DRC1: variants seen among roughly 807,000 people sequenced by gnomAD.
The protein encoded by DRC1 is dynein regulatory complex protein 1.
In DRC1, 74 loss-of-function variants were observed where a neutral mutation model predicts 98.7. The ratio of observed to expected loss-of-function variants is 0.75; its 90% CI spans 0.62 to 0.91. The LOEUF (loss-of-function observed/expected upper bound fraction) is 0.91. Ranked by LOEUF, DRC1 falls within the 40% of genes least tolerant of loss-of-function variation. The pLI, the probability that DRC1 is intolerant of heterozygous loss-of-function variation, is 0.00. For missense variants in DRC1, 875 were observed against 886.0 expected (o/e 0.99, Z 0.16); for synonymous variants, 336 against 334.1 (o/e 1.01, Z -0.06).
At chr2:26,420,749 T>C (rs1663116164) in intron 2 of DRC1, among the ~76,000 whole-genome samples, 1 of 142,948 alleles carries the variant, frequency 7.0e-6, no homozygotes, top group Non-Finnish European at 1.5e-5. Flanking sequence ...TTTTCTTTTT[T>C]CTTTCTTTTT....
intron 2 of DRC1, among the ~76,000 whole-genome samples, chr2:26,418,613 T>C (rs1396606711): frequency 4.0e-5 from 4 of 100,960 alleles, no homozygotes; most frequent in African/African-American, 1.7e-4. Flanking sequence ...ATATATAAAT[T>C]ATATATAATA....
chr2:26,440,343 GTGTATA>G, intron 7 of DRC1, 29 bp from the exon 8 acceptor site: 3 of 1,500,800 alleles, frequency 2.0e-6, no homozygotes, highest in South Asian at 1.3e-5. Flanking sequence ...GTGTGTGTGT[GTGTATA>G]TATATATATA....
chr2:26,451,249 C>T (rs992907048), intron 13 of DRC1, among the ~76,000 whole-genome samples: 2 of 152,172 alleles, frequency 1.3e-5, no homozygotes. Flanking sequence ...CCTGCACCCT[C>T]CCTCAAAACC....
rs150721188 is a variant in DRC1 at position 26,444,890 on chromosome 2, T to G, written c.1338T>G (p.Ile446Met). The G allele has an allele frequency of 3.9e-5, 63 of 1,614,052 alleles. 1 individual carries two copies. In the South Asian group the frequency reaches 6.6e-4, roughly 17 times the overall value. ...GGTTCCTGAACAATGTTGGGCCTAT[T>G]TCTCAGCAGCCCCAGAAGTCCGCCA... Reference protein sequence around the residue: ...DFWFLNNVGPISQQPQKSATQ... With the variant: ...DFWFLNNVGPMSQQPQKSATQ... Residue 446 changes from isoleucine to methionine, a missense_variant, in exon 10 of 17, where the codon ATT (isoleucine) becomes ATG (methionine). Coordinates refer to ENST00000288710, the MANE Select transcript of DRC1 (RefSeq NM_145038.5).
At position 26,444,795 on chromosome 2, in the gene DRC1, A is replaced by G. The variant is rs750117775; in HGVS notation, c.1243A>G (p.Arg415Gly). 1 of 1,614,112 alleles carries G rather than the reference A, an allele frequency of 6.2e-7. No homozygotes were observed. The highest frequency in any genetic ancestry group is 2.2e-5 in the East Asian group (1 of 44,904). Residue 415 changes from arginine to glycine, a missense_variant, in exon 10 of 17, where the codon AGA (arginine) becomes GGA (glycine). Arg to Gly is a moderately radical substitution (Grantham distance 125, BLOSUM62 -2). Transcript: ENST00000288710. ...NEEEAKDLIA[R>G]AFDVDRIIHT... The stretch of plus-strand genomic sequence containing the variant: ...AGAGGAGGCGAAGGACCTAATAGCC[A>G]GAGCCTTTGATGTGGACAGGATCAT...
intron 6 of DRC1, among the ~76,000 whole-genome samples, chr2:26,431,601 A>G (rs930044345): frequency 6.6e-6 from 1 of 151,968 alleles, no homozygotes; most frequent in Admixed American, 6.5e-5. Context: ...GTCTGTGCGT[A>G]ATTTCTTTTC....
At chr2:26,405,069 G>A (rs758036624) in intron 1 of DRC1, among the ~76,000 whole-genome samples, 1 of 152,140 alleles carries the variant, frequency 6.6e-6, no homozygotes, top group Admixed American at 6.5e-5. Context: ...TCCTTGTGGG[G>A]ACCCTGCTGC....
chr2:26,456,110 G>A (rs980086641), intron 16 of DRC1, among the ~76,000 whole-genome samples: 3 of 152,196 alleles, frequency 2.0e-5, no homozygotes, highest in Admixed American at 6.5e-5. Context: ...TATGGTTCCC[G>A]CTTCCACAGA....
At chr2:26,434,916 TA>T (rs1466121686) in intron 7 of DRC1, among the ~76,000 whole-genome samples, 1 of 150,182 alleles carries the variant, frequency 6.7e-6, no homozygotes, top group Non-Finnish European at 1.5e-5. Context: ...GAAAGAAAGC[TA>T]CACAAATAGT....
chr2:26,410,403 C>T (rs1678568129), intron 1 of DRC1, among the ~76,000 whole-genome samples: 1 of 151,516 alleles, frequency 6.6e-6, no homozygotes, highest in Admixed American at 6.6e-5. Context: ...TCCCAAATAG[C>T]TGGGATTACA....
chr2:26,444,890 T>C lies in DRC1; in HGVS notation c.1338T>C (p.Ile446=), dbSNP rs150721188. ...DFWFLNNVGP[I]SQQPQKSATQ... is the part of the protein sequence containing the mutation. ...GGTTCCTGAACAATGTTGGGCCTAT[T>C]TCTCAGCAGCCCCAGAAGTCCGCCA... Residue 446 remains isoleucine (I), a synonymous_variant, in exon 10 of 17, where the codon ATT becomes ATC. Transcript: ENST00000288710. 2 of 1,614,052 alleles carry C rather than the reference T, an allele frequency of 1.2e-6. No individual in the cohort carries two copies. Among genetic ancestry groups the C allele is most frequent in the African/African-American group, 1.3e-5 (1 of 74,918 alleles).
intron 13 of DRC1, among the ~76,000 whole-genome samples, chr2:26,452,296 C>T (rs1277151420): frequency 2.6e-5 from 4 of 152,120 alleles, no homozygotes; most frequent in East Asian, 3.8e-4. Flanking sequence ...CACTCTGTTG[C>T]CCAGGCTGGA....
Position 26,444,831 on chromosome 2 carries a change from C to T in DRC1, c.1279C>T (p.His427Tyr). The change falls in exon 10 of 17, where the codon CAT becomes TAT. Residue 427 changes from histidine (H) to tyrosine (Y), a missense_variant. By Grantham distance (83) the His-to-Tyr change is moderately conservative (BLOSUM62 2). Transcript: ENST00000288710. ...FDVDRIIHTH[H>Y]LGLPWAAPDF... ...TGTGGACAGGATCATCCACACCCAT[C>T]ATCTGGGGCTTCCCTGGGCAGCACC... 6.2e-7 allele frequency: 1 copy of T among 1,614,198 alleles called. No individual in the cohort carries two copies. Among genetic ancestry groups the T allele is most frequent in the Non-Finnish European group, 8.5e-7 (1 of 1,180,036 alleles).
intron 8 of DRC1, among the ~76,000 whole-genome samples, chr2:26,441,661 G>T (rs1663720689): frequency 6.6e-6 from 1 of 152,166 alleles, no homozygotes; most frequent in Non-Finnish European, 1.5e-5. Context: ...GGGAATGGCT[G>T]GTCTGAAGGC....
At chr2:26,438,387 A>C (rs1663628870) in intron 7 of DRC1, among the ~76,000 whole-genome samples, 1 of 152,232 alleles carries the variant, frequency 6.6e-6, no homozygotes. Flanking sequence ...GCACTCAGGA[A>C]AAGTTTTTAC....
intron 11 of DRC1, 143 bp from the exon 12 acceptor site, chr2:26,449,853 C>T: frequency 1.5e-6 from 1 of 682,258 alleles, no homozygotes; most frequent in Non-Finnish European, 2.4e-6. Flanking sequence ...GAAGGCTTTG[C>T]TGGGGCCCAC....
chr2:26,418,634 A>T (rs1390336142), intron 2 of DRC1, among the ~76,000 whole-genome samples: 100 of 103,764 alleles, frequency 9.6e-4, no homozygotes, highest in South Asian at 7.4e-3. Context: ...TAAATTATAT[A>T]TAATTTATAT....
At chr2:26,442,470 G>T (rs1199013818) in intron 8 of DRC1, among the ~76,000 whole-genome samples, 1 of 152,072 alleles carries the variant, frequency 6.6e-6, no homozygotes, top group East Asian at 1.9e-4. Context: ...TAATGTATTT[G>T]TTTCCTTTGG....
intron 8 of DRC1, among the ~76,000 whole-genome samples, chr2:26,441,332 A>G (rs2147998687): frequency 6.6e-6 from 1 of 152,314 alleles, no homozygotes; most frequent in Non-Finnish European, 1.5e-5. Flanking sequence ...TACATTTTGG[A>G]CACATGTTGA....
Sources: gnomAD v4.1 joint callset for allele counts (sites outside exome capture counted in the v4.1 genomes callset) on GRCh38, gnomAD v4.1.1 for gene constraint, MANE v1.5 for transcripts, NCBI Gene and HGNC (gene_info 2026-07-23, HGNC 2026-07-21) for gene names.